Variants in METTL2B observed in about 807,000 individuals in gnomAD.
METTL2B encodes tRNA N(3)-cytidine methyltransferase METTL2B.
A neutral mutation model predicts 51.0 loss-of-function variants in METTL2B; 28 were observed. That is an observed-to-expected ratio of 0.55 (90% CI 0.41 to 0.75). The LOEUF (loss-of-function observed/expected upper bound fraction) is 0.75, where lower values mean the gene tolerates loss of function less well. Ranked by LOEUF, METTL2B falls within the 30% of genes least tolerant of loss-of-function variation. The probability of loss-of-function intolerance (pLI) is 0.00; values close to 1 mark genes in which losing one functional copy is unlikely to be tolerated. For missense variants in METTL2B, 313 were observed against 460.7 expected (o/e 0.68, Z 2.93); for synonymous variants, 128 against 166.3 (o/e 0.77, Z 1.77).
intron 4 of METTL2B, among the ~76,000 whole-genome samples, chr7:128,487,809 G>C (rs1012569859): frequency 1.3e-5 from 2 of 150,894 alleles, no homozygotes; most frequent in African/African-American, 4.9e-5. Flanking sequence ...ATCAAGCAAG[G>C]CTTCATTTGA....
chr7:128,477,914 T>G, intron 2 of METTL2B: 1 of 442,816 alleles, frequency 2.3e-6, no homozygotes, highest in South Asian at 1.6e-5. Context: ...AAAGGGATTT[T>G]GAAAATCATG....
At position 128,493,795 on chromosome 7, in the gene METTL2B, T is replaced by G. The variant is rs1293224086; in HGVS notation, c.670-9T>G. 6.2e-7 allele frequency: 1 copy of G among 1,600,956 alleles called. No homozygotes were observed. The highest frequency in any genetic ancestry group is 8.5e-7 in the Non-Finnish European group (1 of 1,176,418). On this transcript the variant is annotated splice_polypyrimidine_tract_variant and intron_variant, in intron 5 of 8. Transcript: ENST00000262432. ...TTCTAACTTACTTGTCTCTTCCACC[T>G]GTCTGCAGACAAATTCAGAATATGA...
intron 6 of METTL2B, among the ~76,000 whole-genome samples, chr7:128,494,714 G>A (rs1308018560): frequency 4.6e-5 from 7 of 151,516 alleles, no homozygotes; most frequent in Non-Finnish European, 7.4e-5. Flanking sequence ...TGCAACCTCC[G>A]CCTCCCCAGT....
chr7:128,501,433 T>C, intron 8 of METTL2B: 1 of 985,468 alleles, frequency 1.0e-6, no homozygotes, highest in Non-Finnish European at 1.2e-6. Flanking sequence ...TCTTTGAGCC[T>C]TTGGTTAAGA....
chr7:128,485,382 C>T (rs556725626), intron 4 of METTL2B, among the ~76,000 whole-genome samples: 11 of 152,092 alleles, frequency 7.2e-5, no homozygotes, highest in Admixed American at 4.6e-4. Flanking sequence ...AAAAATTAGC[C>T]GCCTGGTGCT....
chr7:128,480,194 CA>C (rs1170149652), intron 3 of METTL2B, among the ~76,000 whole-genome samples: 1 of 152,190 alleles, frequency 6.6e-6, no homozygotes. Flanking sequence ...GGGCTAAGAA[CA>C]GTATCTGGCA....
intron 7 of METTL2B, among the ~76,000 whole-genome samples, 173 bp downstream of exon 7, chr7:128,498,315 G>T (rs1002621025): frequency 2.1e-4 from 31 of 150,618 alleles, no homozygotes; most frequent in African/African-American, 7.6e-4. Context: ...ACGCGGGGTG[G>T]GGGGCATCAC....
intron 4 of METTL2B, 148 bp from the exon 5 acceptor site, chr7:128,487,953 A>G (rs1792746312): frequency 9.6e-7 from 1 of 1,043,782 alleles, no homozygotes; most frequent in Non-Finnish European, 1.4e-6. Context: ...ATTTTAACCA[A>G]AATGAAATAT....
Position 128,501,653 on chromosome 7 carries a change from A to G in METTL2B, c.983-109A>G, listed in dbSNP as rs1793031949. ...TGCATTTATAACCAAATGGCCATGT[A>G]AAAAACACGACAGCAACTTCCCAGA... is the stretch of plus-strand genomic sequence containing the variant. On this transcript the variant is annotated intron_variant, in intron 8 of 8. Transcript: ENST00000262432. 5 of 1,519,432 alleles carry G rather than the reference A, an allele frequency of 3.3e-6. No individual in the cohort carries two copies. The Admixed American group carries it at 9.0e-5, about 27-fold the overall frequency. 94.1% of individuals were successfully genotyped at this position (1,519,432 alleles called of 1,614,324 possible).
intron 5 of METTL2B, among the ~76,000 whole-genome samples, chr7:128,490,659 T>C (rs192059029): frequency 6.6e-6 from 1 of 152,190 alleles, no homozygotes; most frequent in Non-Finnish European, 1.5e-5. Context: ...CCAACGTGCT[T>C]GCTTCTTCCA....
At chr7:128,486,067 G>A (rs1443179149) in intron 4 of METTL2B, among the ~76,000 whole-genome samples, 2 of 152,110 alleles carry the variant, frequency 1.3e-5, no homozygotes, top group African/African-American at 2.4e-5. Context: ...GCCAAGGTGG[G>A]TAGATCACCT....
intron 7 of METTL2B, among the ~76,000 whole-genome samples, chr7:128,500,328 G>GA (rs1056142093): frequency 2.0e-5 from 3 of 151,586 alleles, no homozygotes; most frequent in Admixed American, 6.6e-5. Flanking sequence ...CTTAATTAAA[G>GA]AAAAAAAATA....
chr7:128,498,900 G>A (rs919534701), intron 7 of METTL2B, among the ~76,000 whole-genome samples: 3 of 152,016 alleles, frequency 2.0e-5, no homozygotes, highest in Admixed American at 1.3e-4. Flanking sequence ...GGGAGGCTGA[G>A]GCAGGAGAAT....
intron 6 of METTL2B, 75 bp from the exon 7 acceptor site, chr7:128,497,961 T>C: frequency 2.0e-6 from 3 of 1,494,758 alleles, no homozygotes; most frequent in Non-Finnish European, 2.8e-6. Flanking sequence ...ACTGGCTTTT[T>C]GGGATATGCT....
chr7:128,491,631 T>C (rs1372457526), intron 5 of METTL2B, among the ~76,000 whole-genome samples: 2 of 150,332 alleles, frequency 1.3e-5, no homozygotes. Flanking sequence ...CAGGACGTGG[T>C]GGCATGCACC....
At chr7:128,484,241 T>TGTTTTTTTTTTTTTG (rs1792658348) in intron 4 of METTL2B, 1 of 114,254 alleles carries the variant, frequency 8.8e-6, no homozygotes, top group Non-Finnish European at 1.8e-5. Flanking sequence ...TTTTTTTTTT[T>TGTTTTTTTTTTTTTG]TTTTGAGACA....
chr7:128,478,915 A>G (rs1199998154), intron 2 of METTL2B, among the ~76,000 whole-genome samples: 2 of 152,126 alleles, frequency 1.3e-5, no homozygotes, highest in Non-Finnish European at 2.9e-5. Flanking sequence ...GATAGATAGT[A>G]AGTTCTCTGG....
At chr7:128,494,842 G>C (rs1446444004) in intron 6 of METTL2B, among the ~76,000 whole-genome samples, 1 of 151,692 alleles carries the variant, frequency 6.6e-6, no homozygotes, top group Non-Finnish European at 1.5e-5. Flanking sequence ...TGGCCAGGCT[G>C]GTCTTAACTC....
At chr7:128,491,439 C>G (rs1316111357) in intron 5 of METTL2B, among the ~76,000 whole-genome samples, 2 of 151,738 alleles carry the variant, frequency 1.3e-5, no homozygotes, top group Non-Finnish European at 2.9e-5. Flanking sequence ...CTACTAAATA[C>G]AAAAATTAGC....
Sources: allele counts gnomAD v4.1 joint callset (sites outside exome capture counted in the v4.1 genomes callset), GRCh38; gene constraint gnomAD v4.1.1; transcripts MANE v1.5; gene names NCBI Gene and HGNC (gene_info 2026-07-23, HGNC 2026-07-21).